ZMYM1: variants seen among roughly 807,000 people sequenced by gnomAD.
ZMYM1 encodes zinc finger MYM-type containing 1.
A neutral mutation model predicts 60.0 loss-of-function variants in ZMYM1; 39 were observed. The ratio of observed to expected loss-of-function variants is 0.65; its 90% CI spans 0.50 to 0.85. The LOEUF (loss-of-function observed/expected upper bound fraction) is 0.85. Ranked by LOEUF, ZMYM1 falls within the 40% of genes least tolerant of loss-of-function variation. The probability of loss-of-function intolerance (pLI) is 0.00; values close to 1 mark genes in which losing one functional copy is unlikely to be tolerated. For synonymous variants in ZMYM1, 413 were observed against 454.0 expected (o/e 0.91, Z 1.15); for missense variants, 1,171 against 1,309.5 (o/e 0.89, Z 1.63).
intron 6 of ZMYM1, among the ~76,000 whole-genome samples, chr1:35,108,860 G>A (rs541785611): frequency 1.9e-4 from 29 of 151,916 alleles, no homozygotes; most frequent in Non-Finnish European, 3.7e-4. Context: ...ACAGGCATGC[G>A]CCACCACACC....
chr1:35,101,255 C>T (rs376546847), intron 4 of ZMYM1, among the ~76,000 whole-genome samples: 2 of 151,186 alleles, frequency 1.3e-5, no homozygotes, highest in East Asian at 1.9e-4. Flanking sequence ...ATTACAGGTG[C>T]CTATCACCAT....
chr1:35,111,474 T>C (rs574665173), intron 7 of ZMYM1, among the ~76,000 whole-genome samples: 1 of 152,338 alleles, frequency 6.6e-6, no homozygotes, highest in South Asian at 2.1e-4. Context: ...CATGAGTAAT[T>C]TCACAGAAAA....
At chr1:35,064,854 A>T (rs1266348146) in intron 1 of ZMYM1, among the ~76,000 whole-genome samples, 5 of 151,610 alleles carry the variant, frequency 3.3e-5, no homozygotes, top group Admixed American at 1.3e-4. Context: ...CACCCGGCTA[A>T]TTTTTTGTAT....
At chr1:35,089,332 C>G (rs2148504674) in intron 1 of ZMYM1, among the ~76,000 whole-genome samples, 1 of 152,252 alleles carries the variant, frequency 6.6e-6, no homozygotes, top group Non-Finnish European at 1.5e-5. Flanking sequence ...GGGAATCTAC[C>G]TAATGACAAA....
In ZMYM1 at chr1:35,111,829, A is replaced by T; in HGVS notation, c.1019A>T (p.Asp340Val). The stretch of plus-strand genomic sequence containing the variant: ...ACAGAGCTTCTTTCTCCAAAGAAAG[A>T]TACGACTCCAGTTATAAGCAATATA... ...TSTELLSPKK[D>V]TTPVISNIVS... Residue 340 changes from aspartate (D) to valine (V), a missense_variant, in exon 8 of 10, where the codon GAT becomes GTT. By Grantham distance (152) the Asp-to-Val change is radical (BLOSUM62 -3). Coordinates refer to ENST00000359858, the MANE Select transcript of ZMYM1 (RefSeq NM_024772.5). The T allele has an allele frequency of 1.2e-6, 2 of 1,609,034 alleles. No homozygotes were observed. Among genetic ancestry groups the T allele is most frequent in the Non-Finnish European group, 8.5e-7 (1 of 1,176,498 alleles).
chr1:35,076,237 AC>A (rs1642163368), upstream of ZMYM1, among the ~76,000 whole-genome samples: 1 of 151,894 alleles, frequency 6.6e-6, no homozygotes, highest in Admixed American at 6.6e-5. Flanking sequence ...GCAACACTAG[AC>A]CCCCTTCTTT....
In ZMYM1 at chr1:35,114,102, TGTAAAGAA is replaced by T; in HGVS notation, c.2278_2285del (p.Glu760ArgfsTer31). On this transcript the variant is annotated frameshift_variant, in exon 10 of 10. Transcript: ENST00000359858. LOFTEE classifies it high-confidence loss of function. The stretch of plus-strand genomic sequence containing the variant: ...TTTGGATTTATCAATAATTAGGTTT[TGTAAAGAA>T]GTAAAAGAACTCCGAAGTGCTCTAA... 6.2e-7 allele frequency: 1 copy of T among 1,612,946 alleles called. No individual in the cohort carries two copies. Among genetic ancestry groups the T allele is most frequent in the Non-Finnish European group, 8.5e-7 (1 of 1,179,642 alleles).
chr1:35,111,742 G>A, intron 7 of ZMYM1, 30 bp from the exon 8 acceptor site: 1 of 1,537,218 alleles, frequency 6.5e-7, no homozygotes, highest in South Asian at 1.3e-5. Context: ...ATTTTGCCTT[G>A]TTTATAAGAA....
chr1:35,061,022 C>T (rs1034458194), intron 1 of ZMYM1, among the ~76,000 whole-genome samples: 2 of 152,222 alleles, frequency 1.3e-5, no homozygotes, highest in Admixed American at 6.5e-5. Context: ...CAATGGACAC[C>T]TGCCATGGCC....
intron 1 of ZMYM1, among the ~76,000 whole-genome samples, chr1:35,085,620 C>G (rs1447731660): frequency 6.6e-6 from 1 of 152,196 alleles, no homozygotes; most frequent in African/African-American, 2.4e-5. Context: ...GAAACCACCT[C>G]CATGACTACA....
chr1:35,113,307 G>A lies in ZMYM1; in HGVS notation c.1477G>A (p.Glu493Lys). 6.2e-7 allele frequency: 1 copy of A among 1,612,980 alleles called. No homozygotes were observed. Among genetic ancestry groups the A allele is most frequent in the Non-Finnish European group, 8.5e-7 (1 of 1,179,284 alleles). The change falls in exon 10 of 10, where the codon GAG becomes AAG. Residue 493 changes from glutamate to lysine, a missense_variant. By Grantham distance (56) the Glu-to-Lys change is moderately conservative. Transcript: ENST00000359858. ...FCQKYFSCGR[E>K]SFATHGTSNW... ...CCAAAAATATTTTAGCTGTGGAAGA[G>A]AGTCATTTGCAACCCACGGAACTTC... is the stretch of plus-strand genomic sequence containing the variant.
chr1:35,072,524 A>ATT (rs35933546), intron 1 of ZMYM1, among the ~76,000 whole-genome samples: 2 of 151,412 alleles, frequency 1.3e-5, no homozygotes, highest in African/African-American at 2.4e-5. Flanking sequence ...GATCTTTTGA[A>ATT]TTTTTTTTAG....
At chr1:35,062,563 AC>A (rs1398574951) in intron 1 of ZMYM1, among the ~76,000 whole-genome samples, 1 of 152,252 alleles carries the variant, frequency 6.6e-6, no homozygotes, top group Admixed American at 6.5e-5. Context: ...AGTAGGAGAT[AC>A]CAGGCACAGG....
intron 1 of ZMYM1, among the ~76,000 whole-genome samples, chr1:35,092,732 A>G (rs937161451): frequency 2.6e-5 from 4 of 151,838 alleles, no homozygotes; most frequent in Admixed American, 2.0e-4. Flanking sequence ...GGTTCAAGCT[A>G]TTCTCCTGCC....
intron 1 of ZMYM1, among the ~76,000 whole-genome samples, chr1:35,084,354 T>C (rs1264936086): frequency 6.6e-6 from 1 of 152,228 alleles, no homozygotes; most frequent in South Asian, 2.1e-4. Flanking sequence ...AAATTCCTCT[T>C]AGTCCATAAA....
At position 35,114,159 on chromosome 1, in the gene ZMYM1, A is replaced by G; in HGVS notation, c.2329A>G (p.Thr777Ala). 3 of 1,610,762 alleles carry G rather than the reference A, an allele frequency of 1.9e-6. No homozygotes were observed. The highest frequency in any genetic ancestry group is 2.5e-6 in the Non-Finnish European group (3 of 1,179,188). ...AAAAACTCTCAGTTCTTTGTTCAAC[A>G]CTATTTGTATGTCTGGGGAAATGTT... is the stretch of plus-strand genomic sequence containing the variant. ...ALKTLSSLFN[T>A]ICMSGEMLAN... The change falls in exon 10 of 10, where the codon ACT becomes GCT. Residue 777 changes from threonine to alanine, a missense_variant. Transcript: ENST00000359858.
chr1:35,102,972 TTAAAAAG>T (rs1356456521), intron 4 of ZMYM1, among the ~76,000 whole-genome samples: 1 of 152,252 alleles, frequency 6.6e-6, no homozygotes, highest in Non-Finnish European at 1.5e-5. Context: ...AACTGATACT[TTAAAAAG>T]AATTTTTTTT....
rs141892397 is a variant in ZMYM1 at position 35,115,435 on chromosome 1, A to G, written c.*176A>G. On this transcript the variant is annotated 3_prime_UTR_variant, in exon 10 of 10. Coordinates refer to ENST00000359858, the MANE Select transcript of ZMYM1 (RefSeq NM_024772.5). Reference sequence around the variant, plus strand: ...ATCTTTTCCTTAAATATCCCTCTAGAGGTATTTTTCCTAAGTGGTATTGTA... The same window carrying G: ...ATCTTTTCCTTAAATATCCCTCTAGGGGTATTTTTCCTAAGTGGTATTGTA... 4.5e-4 allele frequency: 310 copies of G among 684,930 alleles called. No individual in the cohort carries two copies. In the African/African-American group the frequency reaches 4.6e-3, roughly 10 times the overall value. 42.4% of individuals were successfully genotyped at this position (684,930 alleles called of 1,614,324 possible). A position where few individuals can be genotyped will look rare whatever the true frequency, so the allele number is the denominator to read the frequency against.
intron 1 of ZMYM1, among the ~76,000 whole-genome samples, chr1:35,068,444 A>AAAG (rs1000738282): frequency 6.6e-6 from 1 of 150,986 alleles, no homozygotes; most frequent in Non-Finnish European, 1.5e-5. Context: ...AGAAAAGAAA[A>AAAG]AAGAAGAAGA....
Sources: allele counts gnomAD v4.1 joint callset (sites outside exome capture counted in the v4.1 genomes callset), GRCh38; gene constraint gnomAD v4.1.1; transcripts MANE v1.5; gene names NCBI Gene and HGNC (gene_info 2026-07-23, HGNC 2026-07-21).